TGFBRAP1: variants seen among roughly 807,000 people sequenced by gnomAD.
The protein encoded by TGFBRAP1 is transforming growth factor beta receptor associated protein 1.
In TGFBRAP1, 20 loss-of-function variants were observed where a neutral mutation model predicts 83.2. That is an observed-to-expected ratio of 0.24 (90% CI 0.17 to 0.35). The LOEUF is 0.35. Ranked by LOEUF, TGFBRAP1 falls within the 10% of genes least tolerant of loss-of-function variation. The probability of loss-of-function intolerance (pLI) is 1.00; values close to 1 mark genes in which losing one functional copy is unlikely to be tolerated. For missense variants in TGFBRAP1, 950 were observed against 1,099.4 expected (o/e 0.86, Z 1.92); for synonymous variants, 415 against 459.8 (o/e 0.90, Z 1.25).
At position 105,266,455 on chromosome 2, in the gene TGFBRAP1, ACT is replaced by A. The variant is rs1376819820; in HGVS notation, c.*926_*927del. On this transcript the variant is annotated 3_prime_UTR_variant, in exon 12 of 12. Coordinates refer to ENST00000393359, the MANE Select transcript of TGFBRAP1 (RefSeq NM_004257.6). ...ATACCCCTAACAAACAGGACAGATG[ACT>A]CTCTCAACAAGAGAGCAACTACGAA... 1.3e-5 allele frequency: 2 copies of A among 152,150 alleles called. No individual in the cohort carries two copies. The highest frequency in any genetic ancestry group is 4.8e-5 in the African/African-American group (2 of 41,446). 9.4% of individuals were successfully genotyped at this position (152,150 alleles called of 1,614,324 possible).
At chr2:105,259,991 T>C (rs1172093569), downstream of TGFBRAP1, among the ~76,000 whole-genome samples, 2 of 152,220 alleles carry the variant, frequency 1.3e-5, no homozygotes, top group Non-Finnish European at 1.5e-5. Flanking sequence ...TATGTTGATA[T>C]GAATATAAAA....
chr2:105,273,496 TC>T (rs1245581231), intron 9 of TGFBRAP1, 47 bp downstream of exon 9: 1 of 1,603,126 alleles, frequency 6.2e-7, no homozygotes, highest in Non-Finnish European at 8.5e-7. Flanking sequence ...CTAGTTCAAT[TC>T]CGTCTCTCCA....
intron 1 of TGFBRAP1, among the ~76,000 whole-genome samples, chr2:105,316,458 T>C (rs1437975488): frequency 3.1e-3 from 206 of 67,008 alleles, no homozygotes; most frequent in African/African-American, 8.6e-3. Context: ...TGTGTGTGTG[T>C]GTGTGCGCGC....
chr2:105,320,334 G>T (rs564444587), intron 1 of TGFBRAP1, among the ~76,000 whole-genome samples: 1 of 151,896 alleles, frequency 6.6e-6, no homozygotes, highest in South Asian at 2.1e-4. Context: ...TTCTGTATCT[G>T]CATTTTAAAA....
intron 11 of TGFBRAP1, among the ~76,000 whole-genome samples, chr2:105,268,696 G>A (rs888072040): frequency 3.9e-5 from 6 of 152,262 alleles, no homozygotes; most frequent in Non-Finnish European, 7.4e-5. Context: ...GGAACACGTC[G>A]GATACCCGCT....
the TGFBRAP1 span, among the ~76,000 whole-genome samples, chr2:105,251,905 T>C: frequency 2.7e-5 from 4 of 149,552 alleles, no homozygotes; most frequent in Non-Finnish European, 5.9e-5. Flanking sequence ...GGATTAAGGG[T>C]GGTGCAAGAT....
intron 4 of TGFBRAP1, 79 bp downstream of exon 4, chr2:105,296,277 C>T: frequency 6.4e-7 from 1 of 1,553,892 alleles, no homozygotes; most frequent in Non-Finnish European, 8.8e-7. Flanking sequence ...ACAGGAAGGG[C>T]CGATGCATGT....
intron 6 of TGFBRAP1, among the ~76,000 whole-genome samples, chr2:105,278,823 G>A (rs2576740): frequency 0.15 from 23,483 of 151,894 alleles, 2,281 homozygotes; most frequent in South Asian, 0.24. Context: ...CTGACTCTAC[G>A]GATCCCACCA....
intron 4 of TGFBRAP1, among the ~76,000 whole-genome samples, chr2:105,290,651 G>GTGTGTGTGTGTGTGTGTGTC (rs1677878491): frequency 6.6e-6 from 1 of 151,426 alleles, no homozygotes; most frequent in African/African-American, 2.4e-5. Flanking sequence ...GTGTGTGTGT[G>GTGTGTGTGTGTGTGTGTGTC]TGTGTGTGAA....
At chr2:105,299,568 C>A (rs887119882) in intron 2 of TGFBRAP1, among the ~76,000 whole-genome samples, 9 of 151,986 alleles carry the variant, frequency 5.9e-5, no homozygotes, top group Non-Finnish European at 4.4e-5. Flanking sequence ...GAGAACTATG[C>A]AGCACAGAGG....
At chr2:105,284,201 C>T in intron 5 of TGFBRAP1, 115 bp downstream of exon 5, 1 of 984,806 alleles carries the variant, frequency 1.0e-6, no homozygotes, top group East Asian at 2.4e-5. Context: ...CCGTATCCAC[C>T]TGAAGCACAA....
At chr2:105,317,032 T>C (rs1187868019) in intron 1 of TGFBRAP1, among the ~76,000 whole-genome samples, 2 of 151,184 alleles carry the variant, frequency 1.3e-5, no homozygotes, top group Non-Finnish European at 1.5e-5. Context: ...AGGTTGGCAC[T>C]GTACATGTGG....
chr2:105,276,964 A>G (rs1028018235), intron 7 of TGFBRAP1, among the ~76,000 whole-genome samples: 2 of 152,258 alleles, frequency 1.3e-5, no homozygotes, highest in Non-Finnish European at 2.9e-5. Context: ...AACACGGTGC[A>G]GTACAAATGC....
chr2:105,323,743 A>G (rs1679136624), intron 1 of TGFBRAP1, among the ~76,000 whole-genome samples: 1 of 152,154 alleles, frequency 6.6e-6, no homozygotes, highest in Non-Finnish European at 1.5e-5. Flanking sequence ...AAACACCTCC[A>G]ATTCCCATGG....
chr2:105,269,801 A>G lies in TGFBRAP1; in HGVS notation c.1973-96T>C, dbSNP rs746027004. ...GCTGCTCTGGGCTTCAGGAGGGGAA[A>G]AGTCAACCTGGCTCCCTCACAATGC... is the stretch of plus-strand genomic sequence containing the variant. On this transcript the variant is annotated intron_variant, in intron 10 of 11. Transcript: ENST00000393359. This position sits in a 1 kb window ranked among gnomAD's most constrained non-coding sequence, Gnocchi z 4.1. 4.5e-6 allele frequency: 6 copies of G among 1,344,782 alleles called. No homozygotes were observed. The highest frequency in any genetic ancestry group is 2.7e-4 in the Middle Eastern group (1 of 3,696). The allele number at this position is 1,344,782 out of a possible 1,614,324, so 83.3% of individuals were successfully genotyped here. A position where few individuals can be genotyped will look rare whatever the true frequency, so the allele number is the denominator to read the frequency against.
chr2:105,250,103 C>T, the TGFBRAP1 span, among the ~76,000 whole-genome samples: 1 of 152,156 alleles, frequency 6.6e-6, no homozygotes, highest in Non-Finnish European at 1.5e-5. Context: ...GAGGTGCCAG[C>T]GATTGCCATG....
Position 105,269,853 on chromosome 2 carries a change from GGTAGGTTTTC to G in TGFBRAP1, c.1973-158_1973-149del. ...AAATGCTGCCACCCAGATGACTGAG[GGTAGGTTTTC>G]TTGCATTTTCACACTGTGAATCCAG... On this transcript the variant is annotated intron_variant, in intron 10 of 11. Coordinates refer to ENST00000393359, the MANE Select transcript of TGFBRAP1 (RefSeq NM_004257.6). The surrounding 1 kb of genome is among the most constrained non-coding windows in gnomAD (Gnocchi z 4.1). 1 of 859,588 alleles carries G rather than the reference GGTAGGTTTTC, an allele frequency of 1.2e-6. No individual in the cohort carries two copies. The highest frequency in any genetic ancestry group is 1.7e-6 in the Non-Finnish European group (1 of 590,708). The allele number at this position is 859,588 out of a possible 1,614,324, so 53.2% of individuals were successfully genotyped here.
chr2:105,262,005 C>T (rs6718019), downstream of TGFBRAP1, among the ~76,000 whole-genome samples: 25,835 of 152,034 alleles, frequency 0.17, 2,530 homozygotes, highest in Middle Eastern at 0.27. Flanking sequence ...TGGGTGCTTT[C>T]AAGGGCCACC....
chr2:105,298,095 T>C (rs994357386), intron 3 of TGFBRAP1, among the ~76,000 whole-genome samples: 1 of 152,152 alleles, frequency 6.6e-6, no homozygotes, highest in Admixed American at 6.5e-5. Context: ...AGTGAGCTGC[T>C]TGAGTGGCCT....
Sources: allele counts gnomAD v4.1 joint callset (sites outside exome capture counted in the v4.1 genomes callset), GRCh38; gene constraint gnomAD v4.1.1; non-coding constraint Gnocchi (gnomAD v3.1); transcripts MANE v1.5; gene names NCBI Gene and HGNC (gene_info 2026-07-23, HGNC 2026-07-21).